The following FBXL7 variants were observed in gnomAD, a reference collection of about 807,000 sequenced individuals.
FBXL7 encodes the protein F-box and leucine rich repeat protein 7, also known as F-box/LRR-repeat protein 7.
In FBXL7, 12 loss-of-function variants were observed where a neutral mutation model predicts 38.3. The observed-to-expected ratio is 0.31, with a 90% CI of 0.20 to 0.51. The LOEUF (loss-of-function observed/expected upper bound fraction) is 0.51. FBXL7 is among the 20% of genes least tolerant of loss of function. The pLI is 0.98. For synonymous variants in FBXL7, 297 were observed against 300.9 expected (o/e 0.99, Z 0.13); for missense variants, 567 against 676.4 (o/e 0.84, Z 1.79).
At chr5:15,513,794 T>C (rs550931268) in intron 1 of FBXL7, among the ~76,000 whole-genome samples, 11 of 152,378 alleles carry the variant, frequency 7.2e-5, no homozygotes, top group Admixed American at 6.5e-5. Flanking sequence ...ATGTATATTG[T>C]GCATACTGCT....
rs146364868 is a variant in FBXL7 at position 15,601,679 on chromosome 5, A to G, written c.38-14304A>G. 1.1e-4 allele frequency among the ~76,000 whole-genome samples: 17 copies of G among 152,256 alleles called. No individual in the cohort carries two copies. The East Asian group carries it at 2.3e-3, about 21-fold the overall frequency. ...TTTCTAGCATTCCACGATACATTCA[A>G]TCTTACTTGCTCATCTTTATTTTCC... On this transcript the variant is annotated intron_variant, in intron 1 of 3. Transcript: ENST00000504595.
At chr5:15,707,868 G>A (rs1743740745) in intron 2 of FBXL7, among the ~76,000 whole-genome samples, 2 of 152,164 alleles carry the variant, frequency 1.3e-5, no homozygotes, top group Non-Finnish European at 2.9e-5. Context: ...AGTAGCCAAA[G>A]CTAGGATGGA....
chr5:15,928,214 C>G lies in FBXL7; in HGVS notation c.452C>G (p.Pro151Arg). 6.2e-7 allele frequency: 1 copy of G among 1,609,992 alleles called. No individual in the cohort carries two copies. The highest frequency in any genetic ancestry group is 2.2e-5 in the East Asian group (1 of 44,644). The change falls in exon 3 of 4, where the codon CCG (proline) becomes CGG (arginine). Residue 151 changes from proline (P) to arginine (R), a missense_variant. By Grantham distance (103) the Pro-to-Arg change is moderately radical. Coordinates refer to ENST00000504595, the MANE Select transcript of FBXL7 (RefSeq NM_012304.5). The surrounding 1 kb of genome is among the most constrained non-coding windows in gnomAD (Gnocchi z 4.0). ...CGCTGGTACAACCTGGCCTGGGACC[C>G]GCGGCTCTGGAGGACTATCCGCCTG... is the stretch of plus-strand genomic sequence containing the variant. ...CRRWYNLAWD[P>R]RLWRTIRLTG...
At chr5:15,812,855 A>G (rs967639565) in intron 2 of FBXL7, among the ~76,000 whole-genome samples, 2 of 152,106 alleles carry the variant, frequency 1.3e-5, no homozygotes, top group African/African-American at 4.8e-5. Context: ...ACATCCTTGT[A>G]AGTTGTATTC....
intron 2 of FBXL7, among the ~76,000 whole-genome samples, chr5:15,644,304 C>CA (rs369213583): frequency 0.049 from 4,632 of 93,934 alleles, 29 homozygotes; most frequent in East Asian, 0.067. Context: ...ACTAAAAATC[C>CA]AAAAAAAAAA....
intron 1 of FBXL7, among the ~76,000 whole-genome samples, chr5:15,572,865 C>G (rs574913286): frequency 4.0e-4 from 61 of 152,176 alleles, no homozygotes; most frequent in Admixed American, 6.5e-4. Context: ...GTATATATAC[C>G]TCACCCTTTG....
intron 2 of FBXL7, among the ~76,000 whole-genome samples, chr5:15,836,995 T>C (rs1738608687): frequency 6.6e-6 from 1 of 152,222 alleles, no homozygotes; most frequent in Non-Finnish European, 1.5e-5. Context: ...TTTGTGTTTT[T>C]AGTCCCCTCC....
intron 1 of FBXL7, among the ~76,000 whole-genome samples, chr5:15,585,617 C>T (rs1210420193): frequency 6.6e-6 from 1 of 152,188 alleles, no homozygotes; most frequent in Non-Finnish European, 1.5e-5. Context: ...TATGCCTGAG[C>T]TATGTTTATA....
At chr5:15,717,902 G>C (rs1744087150) in intron 2 of FBXL7, among the ~76,000 whole-genome samples, 1 of 151,924 alleles carries the variant, frequency 6.6e-6, no homozygotes, top group Admixed American at 6.6e-5. Flanking sequence ...AAAATTCCCA[G>C]CTTTATAGAT....
At chr5:15,912,849 T>G (rs957049309) in intron 2 of FBXL7, among the ~76,000 whole-genome samples, 5 of 151,998 alleles carry the variant, frequency 3.3e-5, no homozygotes, top group Non-Finnish European at 5.9e-5. Context: ...CTGGGGTCTT[T>G]AAAGAAGAGA....
intron 2 of FBXL7, among the ~76,000 whole-genome samples, chr5:15,681,907 CT>C (rs1171728094): frequency 6.6e-6 from 1 of 152,118 alleles, no homozygotes; most frequent in Non-Finnish European, 1.5e-5. Context: ...GGCAGGATGA[CT>C]TTTTACAAGG....
intron 2 of FBXL7, among the ~76,000 whole-genome samples, chr5:15,779,610 G>T (rs534337878): frequency 6.6e-6 from 1 of 151,960 alleles, no homozygotes; most frequent in Admixed American, 6.6e-5. Context: ...ATGCCTTTCC[G>T]AGTTCTAAGG....
At chr5:15,687,474 T>C (rs1743048662) in intron 2 of FBXL7, among the ~76,000 whole-genome samples, 1 of 152,214 alleles carries the variant, frequency 6.6e-6, no homozygotes, top group Admixed American at 6.5e-5. Context: ...CTGTTCCCAA[T>C]GAGTGCTAAT....
At chr5:15,573,406 C>G (rs968647849) in intron 1 of FBXL7, among the ~76,000 whole-genome samples, 1 of 151,856 alleles carries the variant, frequency 6.6e-6, no homozygotes, top group Admixed American at 6.6e-5. Context: ...CAAACCAGCT[C>G]AAAAAAATAG....
At chr5:15,753,551 G>A (rs1736209675) in intron 2 of FBXL7, among the ~76,000 whole-genome samples, 1 of 152,174 alleles carries the variant, frequency 6.6e-6, no homozygotes, top group Admixed American at 6.5e-5. Context: ...GTGGACAGGA[G>A]ATGCTCATGG....
chr5:15,666,612 C>T (rs1459801561), intron 2 of FBXL7, among the ~76,000 whole-genome samples: 2 of 152,148 alleles, frequency 1.3e-5, no homozygotes, highest in East Asian at 3.8e-4. Context: ...TGGCATCATT[C>T]CCATTTTCCA....
chr5:15,796,424 A>T (rs1165797145), intron 2 of FBXL7, among the ~76,000 whole-genome samples: 1 of 152,184 alleles, frequency 6.6e-6, no homozygotes, highest in Non-Finnish European at 1.5e-5. Context: ...AATAGTTGCA[A>T]CAGAGACCAT....
chr5:15,568,823 C>G (rs1738673524), intron 1 of FBXL7, among the ~76,000 whole-genome samples: 1 of 152,014 alleles, frequency 6.6e-6, no homozygotes, highest in Admixed American at 6.5e-5. Flanking sequence ...GCCAGTTTTC[C>G]CAGCACCATT....
chr5:15,845,741 G>A (rs1042958195), intron 2 of FBXL7, among the ~76,000 whole-genome samples: 2 of 152,152 alleles, frequency 1.3e-5, no homozygotes, highest in Non-Finnish European at 2.9e-5. Context: ...GGAGGCCAAG[G>A]TGGGTGGATC....
Sources: allele counts gnomAD v4.1 joint callset (sites outside exome capture counted in the v4.1 genomes callset), GRCh38; gene constraint gnomAD v4.1.1; non-coding constraint Gnocchi (gnomAD v3.1); transcripts MANE v1.5; gene names NCBI Gene and HGNC (gene_info 2026-07-23, HGNC 2026-07-21).